TMPRSS7: variants seen among roughly 807,000 people sequenced by gnomAD.
TMPRSS7 encodes the protein transmembrane serine protease 7, also known as transmembrane protease serine 7.
A neutral mutation model predicts 95.6 loss-of-function variants in TMPRSS7; 81 were observed. That is an observed-to-expected ratio of 0.85 (90% CI 0.71 to 1.02). TMPRSS7 has a LOEUF of 1.02. TMPRSS7 is among the 50% of genes least tolerant of loss of function. The pLI is 0.00. For missense variants in TMPRSS7, 945 were observed against 955.2 expected (o/e 0.99, Z 0.14); for synonymous variants, 364 against 337.8 (o/e 1.08, Z -0.85).
intron 9 of TMPRSS7, among the ~76,000 whole-genome samples, chr3:112,054,075 G>C (rs1356126938): frequency 6.6e-6 from 1 of 152,192 alleles, no homozygotes; most frequent in Non-Finnish European, 1.5e-5. Context: ...AGATTCCCCA[G>C]AAGGGAGCTC....
At chr3:112,056,602 A>G (rs914516013) in intron 9 of TMPRSS7, among the ~76,000 whole-genome samples, 1 of 152,178 alleles carries the variant, frequency 6.6e-6, no homozygotes, top group Non-Finnish European at 1.5e-5. Context: ...CTTCAGAAAT[A>G]CTGAATTTAA....
At chr3:112,048,955 G>A (rs2073312891) in intron 7 of TMPRSS7, among the ~76,000 whole-genome samples, 1 of 152,160 alleles carries the variant, frequency 6.6e-6, no homozygotes, top group African/African-American at 2.4e-5. Flanking sequence ...GCTGATTCAA[G>A]GGGAAACAAG....
chr3:112,068,484 T>C (rs1462368672), intron 13 of TMPRSS7, among the ~76,000 whole-genome samples: 3 of 152,224 alleles, frequency 2.0e-5, no homozygotes, highest in Non-Finnish European at 4.4e-5. Flanking sequence ...TTTGTTTGTG[T>C]CCACTTTCAT....
chr3:112,065,962 C>A (rs2073570591), intron 12 of TMPRSS7, among the ~76,000 whole-genome samples: 1 of 152,050 alleles, frequency 6.6e-6, no homozygotes. Context: ...TTCAACAAAC[C>A]TTGAGTAAAC....
intron 5 of TMPRSS7, 142 bp downstream of exon 5, chr3:112,046,085 T>C (rs1021530846): frequency 2.7e-6 from 2 of 732,254 alleles, no homozygotes; most frequent in African/African-American, 1.8e-5. Flanking sequence ...CTAAAGACAT[T>C]GGAGCTATGT....
intron 13 of TMPRSS7, among the ~76,000 whole-genome samples, chr3:112,070,077 C>T (rs1243457826): frequency 4.6e-5 from 7 of 152,150 alleles, no homozygotes; most frequent in Admixed American, 6.5e-5. Context: ...GCCTTCATTT[C>T]GTTATTTACC....
intron 8 of TMPRSS7, 149 bp from the exon 9 acceptor site, chr3:112,050,522 G>GAA (rs568785162): frequency 0.024 from 4,064 of 168,900 alleles, 171 homozygotes; most frequent in African/African-American, 0.094. Flanking sequence ...CCTTTCTTCT[G>GAA]AAAAAAAAAA....
In TMPRSS7 at chr3:112,038,755, T is replaced by TTGG. The variant is rs2073176504; in HGVS notation, c.298+434_298+435insTGG. Among the ~76,000 whole-genome samples the TTGG allele has an allele frequency of 4.6e-5, 7 of 152,264 alleles. 1 individual carries two copies. In the South Asian group the frequency reaches 1.5e-3, roughly 32 times the overall value. On this transcript the variant is annotated intron_variant, in intron 2 of 17. Coordinates refer to ENST00000452346, the Ensembl canonical transcript of TMPRSS7. ...CCTTGGCCTTCCAAAGTGCTAGGATTACAGGCGTGAACCATGGTGCCCGGC... is the reference window on the plus strand; with the variant it reads ...CCTTGGCCTTCCAAAGTGCTAGGATTTGGACAGGCGTGAACCATGGTGCCCGGC...
chr3:112,045,328 A>G (rs2073264375), intron 4 of TMPRSS7, among the ~76,000 whole-genome samples: 2 of 152,120 alleles, frequency 1.3e-5, no homozygotes, highest in Non-Finnish European at 2.9e-5. Context: ...TTGTAGTTTT[A>G]GTAGAGACAG....
intron 1 of TMPRSS7, among the ~76,000 whole-genome samples, chr3:112,035,101 C>G (rs1292716792): frequency 6.6e-6 from 1 of 151,740 alleles, no homozygotes; most frequent in African/African-American, 2.4e-5. Flanking sequence ...TTCTAAAACT[C>G]CAGGGAAATT....
chr3:112,079,936 G>A (rs189100965), intron 17 of TMPRSS7, among the ~76,000 whole-genome samples: 135 of 152,272 alleles, frequency 8.9e-4, no homozygotes, highest in African/African-American at 3.1e-3. Context: ...CTAATGCTAA[G>A]GGTACTCTAT....
At chr3:112,064,097 A>T (rs185630853) in intron 12 of TMPRSS7, among the ~76,000 whole-genome samples, 144 of 152,292 alleles carry the variant, frequency 9.5e-4, no homozygotes, top group Middle Eastern at 6.8e-3. Context: ...GGGGCAGGGA[A>T]ATTCACTCTG....
intron 2 of TMPRSS7, 57 bp downstream of exon 2, chr3:112,038,378 T>A: frequency 1.5e-6 from 1 of 668,906 alleles, no homozygotes; most frequent in Non-Finnish European, 2.7e-6. Context: ...AGTCCAGCAT[T>A]AGCAATGCAG....
At chr3:112,054,287 C>T (rs962398470) in intron 9 of TMPRSS7, among the ~76,000 whole-genome samples, 1 of 152,208 alleles carries the variant, frequency 6.6e-6, no homozygotes, top group African/African-American at 2.4e-5. Context: ...GGGAAAATTC[C>T]TCCCTTTACT....
intron 17 of TMPRSS7, among the ~76,000 whole-genome samples, chr3:112,080,362 AG>A (rs1401030401): frequency 6.6e-6 from 1 of 152,206 alleles, no homozygotes; most frequent in African/African-American, 2.4e-5. Flanking sequence ...CTAACTAAAC[AG>A]GTCTCTTCTT....
chr3:112,056,936 G>C, intron 9 of TMPRSS7, 89 bp from the exon 10 acceptor site: 1 of 878,042 alleles, frequency 1.1e-6, no homozygotes, highest in Non-Finnish European at 1.8e-6. Context: ...GGCGCAAGTA[G>C]AATGGCCTTA....
exon 18 of TMPRSS7, chr3:112,081,056 T>C: frequency 6.2e-7 from 1 of 1,609,608 alleles, no homozygotes; most frequent in East Asian, 2.2e-5. Context: ...GTTCCCTGGA[T>C]TCATAAATAT....
At chr3:112,073,407 C>T (rs897895848) in intron 13 of TMPRSS7, among the ~76,000 whole-genome samples, 1 of 152,052 alleles carries the variant, frequency 6.6e-6, no homozygotes, top group African/African-American at 2.4e-5. Flanking sequence ...CTGGCCTTTT[C>T]TAGACTTTTT....
intron 4 of TMPRSS7, among the ~76,000 whole-genome samples, 191 bp downstream of exon 4, chr3:112,044,513 C>T (rs2073252313): frequency 6.6e-6 from 1 of 152,186 alleles, no homozygotes; most frequent in African/African-American, 2.4e-5. Flanking sequence ...TCTTTATCCA[C>T]CAAATCCCGA....
Sources: gnomAD v4.1 joint callset for allele counts (sites outside exome capture counted in the v4.1 genomes callset) on GRCh38, gnomAD v4.1.1 for gene constraint, MANE v1.5 for transcripts, NCBI Gene and HGNC (gene_info 2026-07-23, HGNC 2026-07-21) for gene names.